The following GLP1R variants were observed in gnomAD, a reference collection of about 807,000 sequenced individuals.
GLP1R encodes the protein glucagon-like peptide 1 receptor.
GLP1R carries 32 observed loss-of-function variants against 68.4 expected under a neutral mutation model. The ratio of observed to expected loss-of-function variants is 0.47; its 90% CI spans 0.35 to 0.63. GLP1R has a LOEUF of 0.63. Ranked by LOEUF, GLP1R falls within the 20% of genes least tolerant of loss-of-function variation. The pLI, the probability that GLP1R is intolerant of heterozygous loss-of-function variation, is 0.00. For missense variants in GLP1R, 502 were observed against 594.9 expected, an observed-to-expected ratio of 0.84 and a Z score of 1.62; for synonymous variants, 263 against 244.4, an observed-to-expected ratio of 1.08 and a Z score of -0.71.
Position 39,072,851 on chromosome 6 carries a change from T to C in GLP1R, c.510-11T>C, listed in dbSNP as rs751383930. On this transcript the variant is annotated splice_polypyrimidine_tract_variant and intron_variant, in intron 5 of 12. Transcript: ENST00000373256. ...TGCCTTGCCAGGGAAAGGCCCTGCT[T>C]TCTCCCTCAGACACCTGCACTGCAC... is the stretch of plus-strand genomic sequence containing the variant. The C allele has an allele frequency of 6.2e-7, 1 of 1,611,910 alleles. No homozygotes were observed. The highest frequency in any genetic ancestry group is 1.7e-5 in the Admixed American group (1 of 59,966).
rs1467325418 is a variant in GLP1R at position 39,079,362 on chromosome 6, T to G, written c.1043+162T>G. On this transcript the variant is annotated intron_variant, in intron 10 of 12. Coordinates refer to ENST00000373256, the MANE Select transcript of GLP1R (RefSeq NM_002062.5). The surrounding 1 kb of genome is among the most constrained non-coding windows in gnomAD (Gnocchi z 4.5). The stretch of plus-strand genomic sequence containing the variant: ...GGACCCCAAACCCTTGCTTTTGCCC[T>G]GTCTCTGGGCAGCCCCTGGACTTGT... 6.6e-6 allele frequency among the ~76,000 whole-genome samples: 1 copy of G among 152,244 alleles called. No individual in the cohort carries two copies. Among genetic ancestry groups the G allele is most frequent in the South Asian group, 2.1e-4 (1 of 4,832 alleles).
intron 3 of GLP1R, among the ~76,000 whole-genome samples, chr6:39,063,897 T>TACACAC (rs151053629): frequency 1.5e-4 from 21 of 142,108 alleles, no homozygotes; most frequent in South Asian, 1.3e-3. Flanking sequence ...CCCCATCGTG[T>TACACAC]ACACACACAC....
intron 6 of GLP1R, 127 bp from the exon 7 acceptor site, chr6:39,073,483 A>C: frequency 7.7e-6 from 6 of 778,034 alleles, no homozygotes; most frequent in Non-Finnish European, 1.1e-5. Flanking sequence ...AGCCCTAGCC[A>C]GAGATGTGAG....
chr6:39,066,085 C>G, intron 4 of GLP1R, 112 bp from the exon 5 acceptor site: 1 of 643,062 alleles, frequency 1.6e-6, no homozygotes, highest in South Asian at 1.9e-5. Context: ...CTTGGTATCC[C>G]CGGTGAGTCC....
In GLP1R at chr6:39,086,417, C is replaced by T. The variant is rs1769149781; in HGVS notation, c.*344C>T. On this transcript the variant is annotated 3_prime_UTR_variant, in exon 13 of 13. Transcript: ENST00000373256. The surrounding 1 kb of genome is among the most constrained non-coding windows in gnomAD (Gnocchi z 4.5). ...TCCCCCAGACAGAGCCGCAAATCAA[C>T]CCCAGACTCAAACTCAAGGTCAACG... The T allele has an allele frequency of 4.6e-6, 1 of 217,098 alleles. No individual in the cohort carries two copies. Among genetic ancestry groups the T allele is most frequent in the Non-Finnish European group, 9.1e-6 (1 of 109,732 alleles). 13.4% of individuals were successfully genotyped at this position (217,098 alleles called of 1,614,324 possible). A position where few individuals can be genotyped will look rare whatever the true frequency, so the allele number is the denominator to read the frequency against.
rs1232817319 is a variant in GLP1R at position 39,079,634 on chromosome 6, G to A, written c.1114G>A (p.Asp372Asn). Residue 372 changes from aspartate (D) to asparagine (N), a missense_variant, in exon 11 of 13, where the codon GAC (aspartate) becomes AAC (asparagine). Transcript: ENST00000373256. The surrounding 1 kb of genome is among the most constrained non-coding windows in gnomAD (Gnocchi z 4.5). ...TGAGGTCATCTTTGCCTTTGTGATG[G>A]ACGAGCACGCCCGGGGGACCCTGCG... ...THEVIFAFVM[D>N]EHARGTLRFI... is the part of the protein sequence containing the mutation. 6.2e-7 allele frequency: 1 copy of A among 1,611,792 alleles called. No individual in the cohort carries two copies. Among genetic ancestry groups the A allele is most frequent in the Non-Finnish European group, 8.5e-7 (1 of 1,179,136 alleles).
At chr6:39,063,924 AT>A (rs757285121) in intron 3 of GLP1R, among the ~76,000 whole-genome samples, 1 of 119,910 alleles carries the variant, frequency 8.3e-6, no homozygotes, top group Non-Finnish European at 1.8e-5. Context: ...ACACAGACAC[AT>A]AACACACACA....
intron 3 of GLP1R, among the ~76,000 whole-genome samples, chr6:39,058,735 G>A (rs1044029924): frequency 1.8e-4 from 28 of 152,136 alleles, no homozygotes; most frequent in Non-Finnish European, 2.8e-4. Context: ...GCCAAGTCCT[G>A]CCCTAAAAGC....
intron 3 of GLP1R, among the ~76,000 whole-genome samples, chr6:39,058,446 T>C (rs1768271597): frequency 6.6e-6 from 1 of 151,888 alleles, no homozygotes; most frequent in Admixed American, 6.6e-5. Context: ...GGGAAGGTCA[T>C]TTCATTGGGG....
At chr6:39,061,183 G>T (rs1768348364) in intron 3 of GLP1R, among the ~76,000 whole-genome samples, 1 of 152,210 alleles carries the variant, frequency 6.6e-6, no homozygotes, top group Non-Finnish European at 1.5e-5. Context: ...GAGAACTTGG[G>T]TCTCAGGATT....
At chr6:39,081,965 C>A (rs963958463) in intron 12 of GLP1R, among the ~76,000 whole-genome samples, 1 of 152,236 alleles carries the variant, frequency 6.6e-6, no homozygotes, top group East Asian at 1.9e-4. Flanking sequence ...CCTAGCTCCT[C>A]ACAGGTGCTG....
intron 7 of GLP1R, among the ~76,000 whole-genome samples, chr6:39,075,141 C>A (rs1442824844): frequency 1.3e-5 from 2 of 152,222 alleles, no homozygotes; most frequent in East Asian, 3.9e-4. Context: ...CCCTGCAGCA[C>A]CCCTGAGCAG....
chr6:39,052,149 G>A (rs144048206), intron 1 of GLP1R, among the ~76,000 whole-genome samples: 1 of 152,182 alleles, frequency 6.6e-6, no homozygotes, highest in East Asian at 1.9e-4. Flanking sequence ...GTGTGTCCAC[G>A]TGGGGGTTTT....
At chr6:39,085,773 C>T (rs1412206720) in intron 12 of GLP1R, 133 bp from the exon 13 acceptor site, 17 of 797,860 alleles carry the variant, frequency 2.1e-5, no homozygotes, top group East Asian at 2.0e-4. Context: ...TTTAGGAGCC[C>T]GAAGGCCTTG....
intron 6 of GLP1R, 121 bp from the exon 7 acceptor site, chr6:39,073,489 G>A: frequency 1.2e-6 from 1 of 824,442 alleles, no homozygotes; most frequent in Non-Finnish European, 2.0e-6. Flanking sequence ...AGCCAGAGAT[G>A]TGAGCTCTCT....
intron 3 of GLP1R, among the ~76,000 whole-genome samples, chr6:39,060,363 G>T (rs2150824144): frequency 6.6e-6 from 1 of 152,342 alleles, no homozygotes; most frequent in East Asian, 1.9e-4. Flanking sequence ...GCAATTTGGA[G>T]AGAATTTAAT....
intron 3 of GLP1R, 97 bp downstream of exon 3, chr6:39,057,676 C>G (rs1768250079): frequency 4.7e-6 from 3 of 644,172 alleles, no homozygotes; most frequent in Non-Finnish European, 5.5e-6. Flanking sequence ...TGGTGAGCCC[C>G]CTCCCCGACC....
intron 6 of GLP1R, 120 bp from the exon 7 acceptor site, chr6:39,073,490 T>G: frequency 1.7e-5 from 14 of 827,468 alleles, no homozygotes; most frequent in Non-Finnish European, 2.4e-5. Context: ...GCCAGAGATG[T>G]GAGCTCTCTC....
At position 39,072,982 on chromosome 6, in the gene GLP1R, G is replaced by A; in HGVS notation, c.630G>A (p.Gln210=). The A allele has an allele frequency of 1.2e-6, 2 of 1,614,118 alleles. No homozygotes were observed. The highest frequency in any genetic ancestry group is 2.2e-5 in the South Asian group (2 of 91,080). The change falls in exon 6 of 13, where the codon CAG becomes CAA. Residue 210 remains glutamine (Q), a synonymous_variant. Transcript: ENST00000373256. Reference sequence around the variant, plus strand: ...AGTGGATGTATAGCACAGCCGCCCAGCAGCACCAGTGGGATGGGCTCCTCT... The same window carrying A: ...AGTGGATGTATAGCACAGCCGCCCAACAGCACCAGTGGGATGGGCTCCTCT... The part of the protein sequence containing the change: ...ALKWMYSTAA[Q]QHQWDGLLSY...
Sources: gnomAD v4.1 joint callset for allele counts (sites outside exome capture counted in the v4.1 genomes callset) on GRCh38, gnomAD v4.1.1 for gene constraint, Gnocchi (gnomAD v3.1) non-coding constraint, MANE v1.5 for transcripts, NCBI Gene and HGNC (gene_info 2026-07-23, HGNC 2026-07-21) for gene names.